Variants in OR51B5 observed in about 807,000 individuals in gnomAD.
OR51B5 encodes the protein olfactory receptor 51B5.
For synonymous variants in OR51B5, 186 were observed against 144.8 expected (o/e 1.28, Z -2.04); for missense variants, 456 against 374.6 (o/e 1.22, Z -1.79).
At chr11:5,370,516 CTCTT>C (rs981984109) in intron 1 of OR51B5, among the ~76,000 whole-genome samples, 11 of 151,918 alleles carry the variant, frequency 7.2e-5, no homozygotes, top group African/African-American at 1.5e-4. Context: ...TTATCTCACT[CTCTT>C]TCTTTCATTC....
chr11:5,495,390 T>A (rs1851634009), intron 1 of OR51B5, among the ~76,000 whole-genome samples: 1 of 152,220 alleles, frequency 6.6e-6, no homozygotes, highest in Non-Finnish European at 1.5e-5. Flanking sequence ...TTTAAAAATA[T>A]CTATATGATA....
intron 1 of OR51B5, among the ~76,000 whole-genome samples, chr11:5,471,075 T>C (rs527569797): frequency 8.9e-4 from 136 of 152,328 alleles, no homozygotes; most frequent in African/African-American, 3.2e-3. Flanking sequence ...TGATCATTCA[T>C]TTCATTTCTT....
intron 1 of OR51B5, chr11:5,352,210 G>A: frequency 6.2e-7 from 1 of 1,614,098 alleles, no homozygotes; most frequent in Non-Finnish European, 8.5e-7. Flanking sequence ...AAGGGCCAAG[G>A]CCCTCAACAC....
At position 5,454,018 on chromosome 11, in the gene OR51B5, C is replaced by T. The variant is rs1242565993; in HGVS notation, n.84+51551G>A. Reference sequence around the variant, plus strand: ...TGCAGATCCAATGTTCTTTCTCACTCCTACTGCCTGCACCCAGACATGATG... The same window carrying T: ...TGCAGATCCAATGTTCTTTCTCACTTCTACTGCCTGCACCCAGACATGATG... On this transcript the variant is annotated intron_variant and non_coding_transcript_variant, in intron 1 of 4. Transcript: ENST00000415970. The T allele has an allele frequency of 9.3e-6, 15 of 1,613,948 alleles. No homozygotes were observed. The Admixed American group carries it at 2.0e-4, about 22-fold the overall frequency.
chr11:5,425,663 T>C (rs1850437955), intron 1 of OR51B5, among the ~76,000 whole-genome samples: 1 of 152,222 alleles, frequency 6.6e-6, no homozygotes, highest in Non-Finnish European at 1.5e-5. Context: ...CGCAAATAAC[T>C]ATACTGGTCA....
chr11:5,415,131 C>A (rs1850220014), intron 1 of OR51B5, among the ~76,000 whole-genome samples: 1 of 152,134 alleles, frequency 6.6e-6, no homozygotes, highest in Admixed American at 6.6e-5. Flanking sequence ...TCACTCAAAA[C>A]CACTCAACTA....
intron 1 of OR51B5, chr11:5,441,642 C>T: frequency 1.4e-6 from 1 of 695,654 alleles, no homozygotes; most frequent in Non-Finnish European, 2.4e-6. Context: ...TCCTGCCTTC[C>T]CAGTAAGACA....
intron 1 of OR51B5, chr11:5,430,752 C>G (rs74675654): frequency 0.013 from 5,935 of 456,956 alleles, 220 homozygotes; most frequent in African/African-American, 0.094. Flanking sequence ...CAGGTGGCAC[C>G]AAAAGGCAGA....
At chr11:5,500,409 C>T (rs1196740571) in intron 1 of OR51B5, among the ~76,000 whole-genome samples, 1 of 121,104 alleles carries the variant, frequency 8.3e-6, no homozygotes, top group African/African-American at 2.6e-5. Context: ...CTGTAAAATA[C>T]CAATTATATT....
intron 1 of OR51B5, among the ~76,000 whole-genome samples, chr11:5,401,949 T>G (rs1000207165): frequency 6.6e-6 from 1 of 151,094 alleles, no homozygotes; most frequent in African/African-American, 2.4e-5. Flanking sequence ...TATTCTTTCC[T>G]CTCTTCTTTC....
chr11:5,384,747 A>C (rs568015789), intron 1 of OR51B5, among the ~76,000 whole-genome samples: 2 of 152,364 alleles, frequency 1.3e-5, no homozygotes, highest in South Asian at 4.1e-4. Flanking sequence ...AACATAGAAA[A>C]GACCCCATCC....
intron 1 of OR51B5, among the ~76,000 whole-genome samples, chr11:5,361,341 G>A (rs1371703582): frequency 6.6e-6 from 1 of 152,174 alleles, no homozygotes; most frequent in Admixed American, 6.5e-5. Context: ...GAAGGAGGGA[G>A]GAGAGAGGAG....
At chr11:5,361,144 A>AAAAG (rs145449813) in intron 1 of OR51B5, among the ~76,000 whole-genome samples, 2 of 151,814 alleles carry the variant, frequency 1.3e-5, no homozygotes, top group South Asian at 4.2e-4. Context: ...GTATAATAAT[A>AAAAG]AAAGAAAGAA....
intron 1 of OR51B5, among the ~76,000 whole-genome samples, chr11:5,479,408 T>C (rs1306584592): frequency 1.3e-5 from 2 of 151,670 alleles, no homozygotes; most frequent in South Asian, 4.2e-4. Flanking sequence ...TGCAAAATCA[T>C]GCCAAAATGT....
intron 1 of OR51B5, chr11:5,351,459 T>A: frequency 6.9e-7 from 1 of 1,442,584 alleles, no homozygotes; most frequent in Non-Finnish European, 9.5e-7. Context: ...TACAACTGAT[T>A]ACTATTGCTT....
At chr11:5,445,833 T>C (rs1245423440) in intron 1 of OR51B5, among the ~76,000 whole-genome samples, 1 of 151,942 alleles carries the variant, frequency 6.6e-6, no homozygotes, top group Admixed American at 6.6e-5. Flanking sequence ...TTGTTACAAC[T>C]TACTTTGAAA....
intron 1 of OR51B5, chr11:5,441,583 A>G: frequency 8.5e-7 from 1 of 1,177,690 alleles, no homozygotes; most frequent in Non-Finnish European, 1.2e-6. Flanking sequence ...TTTCTTTCAG[A>G]TATCCTGTCT....
At chr11:5,439,789 G>C (rs1475758241) in intron 1 of OR51B5, among the ~76,000 whole-genome samples, 3 of 152,156 alleles carry the variant, frequency 2.0e-5, no homozygotes, top group Non-Finnish European at 4.4e-5. Flanking sequence ...AGTGCTGTCA[G>C]AAAAGAGAAA....
At chr11:5,348,576 A>AG (rs1366564830) in intron 1 of OR51B5, among the ~76,000 whole-genome samples, 1 of 152,108 alleles carries the variant, frequency 6.6e-6, no homozygotes, top group Non-Finnish European at 1.5e-5. Flanking sequence ...CCTCTGGATC[A>AG]GGGGTACAGA....
Sources: allele counts gnomAD v4.1 joint callset (sites outside exome capture counted in the v4.1 genomes callset), GRCh38; gene constraint gnomAD v4.1.1; transcripts MANE v1.5; gene names NCBI Gene and HGNC (gene_info 2026-07-23, HGNC 2026-07-21).